Variants in ZNF407 observed in about 807,000 individuals in gnomAD.
The protein encoded by ZNF407 is zinc finger protein 407.
Under a neutral mutation model 131.2 loss-of-function variants are expected in ZNF407, and 17 were observed. The observed-to-expected ratio is 0.13, with a 90% CI of 0.09 to 0.19. The LOEUF is 0.19. Ranked by LOEUF, ZNF407 falls within the 10% of genes least tolerant of loss-of-function variation. The pLI, the probability that ZNF407 is intolerant of heterozygous loss-of-function variation, is 1.00. For missense variants in ZNF407, 2,681 were observed against 2,830.6 expected (o/e 0.95, Z 1.20); for synonymous variants, 1,156 against 1,062.0 (o/e 1.09, Z -1.72).
intron 1 of ZNF407, among the ~76,000 whole-genome samples, chr18:74,607,385 G>T (rs888438686): frequency 2.6e-5 from 4 of 151,922 alleles, no homozygotes; most frequent in African/African-American, 9.7e-5. Context: ...ACCTTCCCAG[G>T]TTTATACCAG....
chr18:74,685,512 T>C (rs907428477), intron 3 of ZNF407, among the ~76,000 whole-genome samples: 4 of 152,216 alleles, frequency 2.6e-5, no homozygotes, highest in Non-Finnish European at 4.4e-5. Flanking sequence ...ATGTCACTTC[T>C]GTGCTCAGCA....
intron 4 of ZNF407, among the ~76,000 whole-genome samples, chr18:74,870,458 A>G (rs918318960): frequency 1.4e-4 from 22 of 152,324 alleles, no homozygotes; most frequent in African/African-American, 5.1e-4. Context: ...GCCACACTAG[A>G]GCCTTAGAGT....
chr18:74,991,362 A>G (rs908534855), intron 8 of ZNF407, among the ~76,000 whole-genome samples: 1 of 152,188 alleles, frequency 6.6e-6, no homozygotes, highest in Non-Finnish European at 1.5e-5. Context: ...CCTTCTGTAT[A>G]TCTTTGATTT....
At chr18:74,707,433 GT>G (rs965816005) in intron 3 of ZNF407, among the ~76,000 whole-genome samples, 1 of 151,826 alleles carries the variant, frequency 6.6e-6, no homozygotes, top group Non-Finnish European at 1.5e-5. Context: ...GGATTTTGAG[GT>G]TTTTTTTGAA....
intron 8 of ZNF407, among the ~76,000 whole-genome samples, chr18:74,924,213 A>G (rs1249790596): frequency 2.0e-5 from 3 of 152,224 alleles, no homozygotes; most frequent in Non-Finnish European, 4.4e-5. Context: ...TGAATGAAGT[A>G]CAGTGGTCTA....
chr18:75,027,788 CAG>C (rs969281027), intron 8 of ZNF407, among the ~76,000 whole-genome samples: 1 of 152,032 alleles, frequency 6.6e-6, no homozygotes, highest in African/African-American at 2.4e-5. Flanking sequence ...GCCAGTGAGA[CAG>C]AAGGAAATGA....
chr18:75,007,461 A>G (rs560834673), intron 8 of ZNF407, among the ~76,000 whole-genome samples: 1 of 152,334 alleles, frequency 6.6e-6, no homozygotes, highest in Admixed American at 6.5e-5. Flanking sequence ...CTTTTGCGCT[A>G]ACAAGTGTGC....
Position 74,768,440 on chromosome 18 carries a change from C to G in ZNF407, c.4803-12988C>G, listed in dbSNP as rs572028726. ...CAAATTACATGTAAATGTGGAAATC[C>G]CTTTTTTGGTGGATTTATTGATTGG... On this transcript the variant is annotated intron_variant, in intron 3 of 8. Transcript: ENST00000299687. 2.0e-5 allele frequency among the ~76,000 whole-genome samples: 3 copies of G among 152,230 alleles called. No homozygotes were observed. The South Asian group carries it at 6.2e-4, about 32-fold the overall frequency.
At chr18:74,679,465 G>T (rs1966931068) in intron 3 of ZNF407, among the ~76,000 whole-genome samples, 1 of 152,202 alleles carries the variant, frequency 6.6e-6, no homozygotes. Context: ...TAGAGCAGTT[G>T]CTGGCATGTA....
intron 8 of ZNF407, among the ~76,000 whole-genome samples, chr18:74,967,445 G>A (rs1319946818): frequency 6.6e-6 from 1 of 152,098 alleles, no homozygotes; most frequent in Non-Finnish European, 1.5e-5. Context: ...TGCAGTTTTA[G>A]TACTTAAAAA....
chr18:74,700,066 TA>T (rs1395887151), intron 3 of ZNF407, among the ~76,000 whole-genome samples: 1 of 152,196 alleles, frequency 6.6e-6, no homozygotes, highest in African/African-American at 2.4e-5. Flanking sequence ...CTTGTAAACT[TA>T]TTTATACTTT....
chr18:74,885,378 C>G (rs535188541), intron 6 of ZNF407, among the ~76,000 whole-genome samples: 2 of 152,236 alleles, frequency 1.3e-5, no homozygotes, highest in East Asian at 3.9e-4. Flanking sequence ...GAGTGTTGTA[C>G]CATGTTTATA....
At position 74,632,632 on chromosome 18, in the gene ZNF407, C is replaced by T. The variant is rs1165851626; in HGVS notation, c.1613C>T (p.Thr538Ile). The T allele has an allele frequency of 6.2e-7, 1 of 1,613,912 alleles. No individual in the cohort carries two copies. Among genetic ancestry groups the T allele is most frequent in the Admixed American group, 1.7e-5 (1 of 59,998 alleles). Residue 538 changes from threonine to isoleucine, a missense_variant, in exon 2 of 9, where the codon ACA becomes ATA. Transcript: ENST00000299687. ...TGTACAGACTGTGGGCAAGTAGCTA[C>T]AAATAGGACAGATTTGGAAATCCAT... ...CACTDCGQVA[T>I]NRTDLEIHVK...
intron 4 of ZNF407, among the ~76,000 whole-genome samples, chr18:74,794,824 T>TTA (rs1969890088): frequency 6.6e-6 from 1 of 152,226 alleles, no homozygotes; most frequent in Non-Finnish European, 1.5e-5. Context: ...CGATGCTTAA[T>TTA]AACTTCTCAG....
chr18:74,601,351 G>A (rs1388623336), intron 1 of ZNF407, among the ~76,000 whole-genome samples: 1 of 151,700 alleles, frequency 6.6e-6, no homozygotes, highest in Admixed American at 6.6e-5. Flanking sequence ...GTGTGTGTGT[G>A]TGTGTGTGTG....
intron 3 of ZNF407, among the ~76,000 whole-genome samples, chr18:74,717,205 A>C (rs998090793): frequency 6.6e-6 from 1 of 152,224 alleles, no homozygotes; most frequent in African/African-American, 2.4e-5. Context: ...TGACAATAAA[A>C]GTCAAGTTAT....
chr18:74,785,567 T>G (rs1165507601), intron 4 of ZNF407, among the ~76,000 whole-genome samples: 1 of 152,222 alleles, frequency 6.6e-6, no homozygotes, highest in Non-Finnish European at 1.5e-5. Context: ...ATGGGTCTTT[T>G]GGAGACTCTT....
chr18:74,630,285 C>T (rs567200898), intron 1 of ZNF407, among the ~76,000 whole-genome samples: 1 of 152,014 alleles, frequency 6.6e-6, no homozygotes, highest in Non-Finnish European at 1.5e-5. Context: ...ATTCTCCTGC[C>T]TCAGCCTACC....
intron 1 of ZNF407, among the ~76,000 whole-genome samples, chr18:74,623,308 G>T (rs138279595): frequency 1.4e-4 from 20 of 142,436 alleles, no homozygotes; most frequent in African/African-American, 4.5e-4. Flanking sequence ...GTGTGAGTGC[G>T]TGAGGGTAAG....
Sources: allele counts gnomAD v4.1 joint callset (sites outside exome capture counted in the v4.1 genomes callset), GRCh38; gene constraint gnomAD v4.1.1; transcripts MANE v1.5; gene names NCBI Gene and HGNC (gene_info 2026-07-23, HGNC 2026-07-21).